The following MPPE1 variants were observed in gnomAD, a reference collection of about 807,000 sequenced individuals.
MPPE1 encodes the protein metallo phosphoesterase.
A neutral mutation model predicts 43.8 loss-of-function variants in MPPE1; 28 were observed. The observed-to-expected ratio is 0.64, with a 90% CI of 0.47 to 0.88. The LOEUF is 0.88. MPPE1 is among the 40% of genes least tolerant of loss of function. The pLI is 0.00. For synonymous variants in MPPE1, 159 were observed against 188.5 expected, an observed-to-expected ratio of 0.84 and a Z score of 1.28; for missense variants, 428 against 492.2, an observed-to-expected ratio of 0.87 and a Z score of 1.23.
chr18:11,904,214 AAG>A (rs1475227537), intron 2 of MPPE1, among the ~76,000 whole-genome samples: 1 of 152,216 alleles, frequency 6.6e-6, no homozygotes. Context: ...AGGACAGAGA[AAG>A]AGAGCAAGCA....
chr18:11,900,304 G>A (rs1229397923), intron 2 of MPPE1, among the ~76,000 whole-genome samples: 5 of 152,088 alleles, frequency 3.3e-5, no homozygotes, highest in African/African-American at 9.7e-5. Context: ...CCAAGATCAC[G>A]CCATTGCACT....
Position 11,884,585 on chromosome 18 carries a change from G to A in MPPE1, c.1051C>T (p.Leu351Phe). 1 of 1,613,932 alleles carries A rather than the reference G, an allele frequency of 6.2e-7. No homozygotes were observed. The highest frequency in any genetic ancestry group is 1.1e-5 in the South Asian group (1 of 91,086). Residue 351 changes from leucine to phenylalanine, a missense_variant, in exon 11 of 11, where the codon CTC (leucine) becomes TTC (phenylalanine). Leu to Phe is a conservative substitution (Grantham distance 22). Around this residue, in one of 3 missense-constraint regions of MPPE1, gnomAD observed 379 missense variants for 402.5 expected, o/e 0.94. Transcript: ENST00000588072. ...ATCAAAACCACATCCTCACGTGGGA[G>A]GTAGCACTTGGAGAGGGTGTAGTCT... Reference protein sequence around the residue: ...PTDYTLSKCYLPREDVVLIIY... With the variant: ...PTDYTLSKCYFPREDVVLIIY...
Position 11,885,812 on chromosome 18 carries a change from A to G in MPPE1, c.872T>C (p.Leu291Pro), listed in dbSNP as rs771269216. The stretch of plus-strand genomic sequence containing the variant: ...AACCAGGCGCGGCTGGAGCCACCAC[A>G]GCAGCTGACAGTGGCCGAGAAGACA... Reference protein sequence around the residue: ...VLSREASQKLLWWLQPRLVLS... With the variant: ...VLSREASQKLPWWLQPRLVLS... Residue 291 changes from leucine (L) to proline (P), a missense_variant, in exon 10 of 11, where the codon CTG (leucine) becomes CCG (proline). Coordinates refer to ENST00000588072, the MANE Select transcript of MPPE1 (RefSeq NM_023075.6). 6.2e-7 allele frequency: 1 copy of G among 1,605,144 alleles called. No homozygotes were observed. Among genetic ancestry groups the G allele is most frequent in the Non-Finnish European group, 8.5e-7 (1 of 1,173,292 alleles).
chr18:11,892,398 G>A (rs971225644), intron 4 of MPPE1, among the ~76,000 whole-genome samples: 24 of 148,124 alleles, frequency 1.6e-4, no homozygotes, highest in Non-Finnish European at 3.0e-4. Flanking sequence ...GGGCAGGCAC[G>A]GTGGCTCATG....
At chr18:11,889,363 G>A (rs1296172528) in intron 5 of MPPE1, 24 bp downstream of exon 5, 9 of 1,432,788 alleles carry the variant, frequency 6.3e-6, no homozygotes, top group Middle Eastern at 3.6e-4. Context: ...CTCTCAGGGT[G>A]CAGGGCTTTT....
intron 2 of MPPE1, among the ~76,000 whole-genome samples, chr18:11,903,563 T>C (rs1408954350): frequency 1.3e-5 from 2 of 151,964 alleles, no homozygotes; most frequent in African/African-American, 2.4e-5. Context: ...TCCCAGCACT[T>C]TGGGAGGCCG....
chr18:11,888,998 G>A lies in MPPE1; in HGVS notation c.495-255C>T, dbSNP rs191079344. 4.7e-3 allele frequency among the ~76,000 whole-genome samples: 717 copies of A among 152,226 alleles called. 6 individuals are homozygous for A. Among genetic ancestry groups the A allele is most frequent in the African/African-American group, 0.017 (689 of 41,548 alleles). ...CCGTAGGTAAAACAACAGGACCATG[G>A]TAAAGATTAATGTGTTAATATATGG... On this transcript the variant is annotated intron_variant, in intron 5 of 10. Coordinates refer to ENST00000588072, the MANE Select transcript of MPPE1 (RefSeq NM_023075.6).
At chr18:11,897,630 A>C in intron 2 of MPPE1, 1 of 174,676 alleles carries the variant, frequency 5.7e-6, no homozygotes, top group Non-Finnish European at 1.2e-5. Flanking sequence ...TCTAGAAATC[A>C]TCAAATGGGA....
intron 3 of MPPE1, among the ~76,000 whole-genome samples, chr18:11,894,718 G>T (rs1462875523): frequency 6.6e-6 from 1 of 152,016 alleles, no homozygotes; most frequent in Non-Finnish European, 1.5e-5. Flanking sequence ...AGCCTCCCAA[G>T]TAGCTGGGAT....
Position 11,886,007 on chromosome 18 carries a change from C to T in MPPE1, c.868-191G>A. Reference sequence around the variant, plus strand: ...ATTTACACTAAATCAAAGGTAAGGTCAGCCCTTTGTTCTCATCCCAGATTT... The same window carrying T: ...ATTTACACTAAATCAAAGGTAAGGTTAGCCCTTTGTTCTCATCCCAGATTT... On this transcript the variant is annotated intron_variant, in intron 9 of 10. Transcript: ENST00000588072. This position sits in a 1 kb window ranked among gnomAD's most constrained non-coding sequence, Gnocchi z 4.1. 2 of 452,022 alleles carry T rather than the reference C, an allele frequency of 4.4e-6. No homozygotes were observed. Among genetic ancestry groups the T allele is most frequent in the Non-Finnish European group, 7.3e-6 (2 of 272,174 alleles). 28.0% of individuals were successfully genotyped at this position (452,022 alleles called of 1,614,324 possible). A position where few individuals can be genotyped will look rare whatever the true frequency, so the allele number is the denominator to read the frequency against.
At chr18:11,887,393 G>A (rs2037451789) in intron 6 of MPPE1, among the ~76,000 whole-genome samples, 1 of 152,158 alleles carries the variant, frequency 6.6e-6, no homozygotes, top group African/African-American at 2.4e-5. Context: ...AGCTGGTTGT[G>A]AGGATTCAAT....
chr18:11,891,850 ACT>A (rs2144361192), intron 4 of MPPE1, among the ~76,000 whole-genome samples: 1 of 151,962 alleles, frequency 6.6e-6, no homozygotes, highest in South Asian at 2.1e-4. Flanking sequence ...ACAGCGTCTC[ACT>A]CTGTCACCCA....
chr18:11,895,983 AAG>A (rs1425756807), intron 3 of MPPE1, among the ~76,000 whole-genome samples: 3 of 152,090 alleles, frequency 2.0e-5, no homozygotes, highest in Non-Finnish European at 4.4e-5. Context: ...ATCAATTTGT[AAG>A]ACCAAGACAC....
intron 4 of MPPE1, among the ~76,000 whole-genome samples, chr18:11,890,507 G>A (rs577321109): frequency 3.0e-3 from 462 of 151,614 alleles, no homozygotes; most frequent in African/African-American, 9.4e-3. Flanking sequence ...ACAGGGTTTC[G>A]CCATGTTGGC....
chr18:11,900,705 A>C (rs966785529), intron 2 of MPPE1, among the ~76,000 whole-genome samples: 6 of 151,990 alleles, frequency 3.9e-5, no homozygotes, highest in African/African-American at 1.5e-4. Context: ...CAGGAGATCG[A>C]GACCATCCTG....
chr18:11,901,072 TG>T (rs1387337069), intron 2 of MPPE1, among the ~76,000 whole-genome samples: 2 of 152,116 alleles, frequency 1.3e-5, no homozygotes, highest in African/African-American at 4.8e-5. Context: ...GCATTGGCAA[TG>T]GGTATGTGGT....
At chr18:11,907,149 CACTTA>C (rs963377822) in intron 1 of MPPE1, among the ~76,000 whole-genome samples, 2 of 152,174 alleles carry the variant, frequency 1.3e-5, no homozygotes, top group African/African-American at 2.4e-5. Context: ...ACATGCTGGA[CACTTA>C]ACTTACCTGG....
At chr18:11,896,654 G>A (rs2038646187) in intron 3 of MPPE1, among the ~76,000 whole-genome samples, 1 of 152,176 alleles carries the variant, frequency 6.6e-6, no homozygotes, top group Non-Finnish European at 1.5e-5. Flanking sequence ...ACCAGGCATT[G>A]TGTAGCATCT....
rs998692139 is a variant in MPPE1, at chr18:11,907,315, C to T, written c.-200+886G>A. Among the ~76,000 whole-genome samples the T allele has an allele frequency of 6.6e-5, 10 of 152,312 alleles. No homozygotes were observed. In the South Asian group the frequency reaches 1.9e-3, roughly 28 times the overall value. On this transcript the variant is annotated intron_variant, in intron 1 of 10. Coordinates refer to ENST00000588072, the MANE Select transcript of MPPE1 (RefSeq NM_023075.6). Reference sequence around the variant, plus strand: ...CCGGAAACCCCCGACCCACCCACCTCCTCAGCTGTCATACCTTTATGGACC... The same window carrying T: ...CCGGAAACCCCCGACCCACCCACCTTCTCAGCTGTCATACCTTTATGGACC...
Sources: allele counts gnomAD v4.1 joint callset (sites outside exome capture counted in the v4.1 genomes callset), GRCh38; gene constraint gnomAD v4.1.1; regional missense constraint gnomAD v4.1.1; non-coding constraint Gnocchi (gnomAD v3.1); transcripts MANE v1.5; gene names NCBI Gene and HGNC (gene_info 2026-07-23, HGNC 2026-07-21).